Variants in MYO9B observed in about 807,000 individuals in gnomAD.
The protein encoded by MYO9B is myosin IXB, also known as unconventional myosin-IXb.
Under a neutral mutation model 229.5 loss-of-function variants are expected in MYO9B, and 71 were observed. The observed-to-expected ratio is 0.31, with a 90% CI of 0.26 to 0.38. MYO9B has a LOEUF of 0.38. MYO9B is among the 10% of genes least tolerant of loss of function. The pLI is 1.00. For synonymous variants in MYO9B, 1,185 were observed against 1,235.8 expected, an observed-to-expected ratio of 0.96 and a Z score of 0.86; for missense variants, 2,255 against 2,920.5, an observed-to-expected ratio of 0.77 and a Z score of 5.25.
In MYO9B at chr19:17,193,264, G is replaced by A. The variant is rs2073006103; in HGVS notation, c.3128+202G>A. On this transcript the variant is annotated intron_variant, in intron 21 of 39. Coordinates refer to ENST00000682292, the MANE Select transcript of MYO9B (RefSeq NM_004145.4). This position sits in a 1 kb window ranked among gnomAD's most constrained non-coding sequence, Gnocchi z 4.3. ...CTCCAAGGCTGGCAGGCAGCACTCA[G>A]GGACAAAGCCCTGCTTTGCCATTGG... 6.6e-6 allele frequency among the ~76,000 whole-genome samples: 1 copy of A among 152,194 alleles called. No homozygotes were observed.
At chr19:17,203,314 C>T in intron 30 of MYO9B, 56 bp downstream of exon 30, 1 of 1,375,620 alleles carries the variant, frequency 7.3e-7, no homozygotes, top group Non-Finnish European at 1.0e-6. Context: ...CCACCCCTCA[C>T]TGCTCAAGAG....
At chr19:17,202,708 G>A (rs1421648906) in intron 28 of MYO9B, 134 bp from the exon 29 acceptor site, 28 of 893,802 alleles carry the variant, frequency 3.1e-5, no homozygotes, top group South Asian at 2.0e-4. Flanking sequence ...GAATGGGGGC[G>A]TTAGGGACAA....
rs762425820 is a variant in MYO9B, at chr19:17,211,692, G to A, written c.5976G>A (p.Ser1992=). 22 of 1,612,088 alleles carry A rather than the reference G, an allele frequency of 1.4e-5. No individual in the cohort carries two copies. The highest frequency in any genetic ancestry group is 1.6e-4 in the Middle Eastern group (1 of 6,070). Residue 1992 remains serine, a synonymous_variant, in exon 39 of 40, where the codon TCG becomes TCA. Transcript: ENST00000682292. ...TGCCGGAGCTGGACCCAAGGGGCTC[G>A]GACGAGGAGAACCTGGACTCGGAGA... is the stretch of plus-strand genomic sequence containing the variant. ...YRLPELDPRG[S]DEENLDSETS...
intron 11 of MYO9B, among the ~76,000 whole-genome samples, chr19:17,171,353 C>A (rs928543670): frequency 9.9e-5 from 15 of 152,114 alleles, no homozygotes; most frequent in African/African-American, 3.4e-4. Flanking sequence ...CCCCGGAGCA[C>A]AACAGAGCCC....
At position 17,172,336 on chromosome 19, in the gene MYO9B, C is replaced by A; in HGVS notation, c.1794C>A (p.Asn598Lys). The part of the protein sequence containing the change: ...GLFYLLDEES[N>K]FPHATSQTLL... ...CAAAGGTTCCATGTTCTGTTCCCAG[C>A]TTCCCCCACGCCACGAGCCAGACCC... is the stretch of plus-strand genomic sequence containing the variant. The change falls in exon 12 of 40, where the codon AAC becomes AAA. Residue 598 changes from asparagine (N) to lysine (K), a missense_variant and splice_region_variant. Asn to Lys is a moderately conservative substitution (Grantham distance 94, BLOSUM62 0). Around this residue, in one of 7 missense-constraint regions of MYO9B, gnomAD observed 220 missense variants for 404.5 expected, o/e 0.54. Transcript: ENST00000682292. The surrounding 1 kb of genome is among the most constrained non-coding windows in gnomAD (Gnocchi z 8.2). 1 of 1,613,898 alleles carries A rather than the reference C, an allele frequency of 6.2e-7. No individual in the cohort carries two copies. The highest frequency in any genetic ancestry group is 8.5e-7 in the Non-Finnish European group (1 of 1,179,830).
At chr19:17,208,621 C>T (rs955209959) in intron 35 of MYO9B, among the ~76,000 whole-genome samples, 2 of 152,010 alleles carry the variant, frequency 1.3e-5, no homozygotes, top group South Asian at 2.1e-4. Context: ...TTAGTAGAGA[C>T]GAGGTTTCAC....
At chr19:17,200,522 C>A in intron 25 of MYO9B, 96 bp downstream of exon 25, 1 of 1,509,770 alleles carries the variant, frequency 6.6e-7, no homozygotes, top group Non-Finnish European at 8.9e-7. Context: ...TGGCTGTGGG[C>A]CAAGCCCTAG....
intron 1 of MYO9B, among the ~76,000 whole-genome samples, chr19:17,092,270 G>T (rs534425749): frequency 2.6e-5 from 4 of 152,212 alleles, no homozygotes; most frequent in Non-Finnish European, 5.9e-5. Flanking sequence ...CCCAAAGCCC[G>T]CCAGCTGGGA....
intron 1 of MYO9B, among the ~76,000 whole-genome samples, chr19:17,096,346 T>G (rs10427132): frequency 0.37 from 56,664 of 151,946 alleles, 11,467 homozygotes; most frequent in Middle Eastern, 0.51. Flanking sequence ...TGTTTTAACA[T>G]TGAAAGAAAC....
In MYO9B at chr19:17,175,576, C is replaced by A. The variant is rs2072777304; in HGVS notation, c.2141-87C>A. 6 of 1,100,212 alleles carry A rather than the reference C, an allele frequency of 5.5e-6. No individual in the cohort carries two copies. The South Asian group carries it at 7.8e-5, about 14-fold the overall frequency. The allele number at this position is 1,100,212 out of a possible 1,614,324, so 68.2% of individuals were successfully genotyped here. ...CCTGGGTGACAGAGCAAGACTCCAT[C>A]TCAAATAAATAAATAAAATGGGTTA... On this transcript the variant is annotated intron_variant, in intron 13 of 39. Coordinates refer to ENST00000682292, the MANE Select transcript of MYO9B (RefSeq NM_004145.4).
chr19:17,092,219 T>C (rs2057644670), intron 1 of MYO9B, among the ~76,000 whole-genome samples: 1 of 152,120 alleles, frequency 6.6e-6, no homozygotes, highest in South Asian at 2.1e-4. Context: ...TCCCAGTGAG[T>C]TTTGCGTCGC....
At chr19:17,126,848 G>A (rs1233289950) in intron 2 of MYO9B, among the ~76,000 whole-genome samples, 1 of 147,600 alleles carries the variant, frequency 6.8e-6, no homozygotes, top group Non-Finnish European at 1.5e-5. Flanking sequence ...GCTTTTAATA[G>A]AGACGGGGTT....
intron 38 of MYO9B, 64 bp downstream of exon 38, chr19:17,210,912 T>C (rs777458224): frequency 3.9e-6 from 6 of 1,539,672 alleles, no homozygotes; most frequent in South Asian, 3.6e-5. Flanking sequence ...GCAGGTTCCA[T>C]CCCTGGTGGT....
intron 1 of MYO9B, chr19:17,095,325 A>T (rs2057677035): frequency 6.6e-6 from 1 of 152,220 alleles, no homozygotes; most frequent in African/African-American, 2.4e-5. Context: ...TCATCCCCTT[A>T]AAAGGAAACG....
chr19:17,174,040 T>C (rs1407354453), intron 13 of MYO9B, among the ~76,000 whole-genome samples: 1 of 142,182 alleles, frequency 7.0e-6, no homozygotes, highest in Non-Finnish European at 1.5e-5. Flanking sequence ...TTTTTTTTTT[T>C]TTTTTTTTGA....
chr19:17,154,718 T>C (rs1276836646), intron 6 of MYO9B, among the ~76,000 whole-genome samples: 1 of 152,106 alleles, frequency 6.6e-6, no homozygotes, highest in Non-Finnish European at 1.5e-5. Flanking sequence ...TCCCAGCACT[T>C]TGGGAGGCCA....
At chr19:17,132,026 T>C (rs2072202719) in intron 2 of MYO9B, among the ~76,000 whole-genome samples, 1 of 151,722 alleles carries the variant, frequency 6.6e-6, no homozygotes, top group African/African-American at 2.4e-5. Context: ...ACTAGAGGCA[T>C]GCATCACCAC....
intron 10 of MYO9B, among the ~76,000 whole-genome samples, chr19:17,164,243 G>A (rs1438535365): frequency 2.0e-5 from 3 of 152,194 alleles, no homozygotes; most frequent in Non-Finnish European, 4.4e-5. Flanking sequence ...CCCAGGATGA[G>A]GCAAATGTCA....
At chr19:17,192,327 C>G (rs956700223) in intron 20 of MYO9B, among the ~76,000 whole-genome samples, 4 of 147,928 alleles carry the variant, frequency 2.7e-5, no homozygotes, top group African/African-American at 1.0e-4. Flanking sequence ...GGTGCAGTGG[C>G]TCATGCCTGT....
Sources: gnomAD v4.1 joint callset for allele counts (sites outside exome capture counted in the v4.1 genomes callset) on GRCh38, gnomAD v4.1.1 for gene constraint, gnomAD v4.1.1 regional missense constraint, Gnocchi (gnomAD v3.1) non-coding constraint, MANE v1.5 for transcripts, NCBI Gene and HGNC (gene_info 2026-07-23, HGNC 2026-07-21) for gene names.